MEA1: variants seen among roughly 807,000 people sequenced by gnomAD.
MEA1 encodes the protein Male-enhanced antigen (H-Y structural gene).
A neutral mutation model predicts 21.4 loss-of-function variants in MEA1; 22 were observed. The ratio of observed to expected loss-of-function variants is 1.03; its 90% CI spans 0.73 to 1.47. MEA1 has a LOEUF of 1.47. Among genes scored for constraint, MEA1 ranks in the 40% most tolerant of loss-of-function variants. The pLI is 0.00. For synonymous variants in MEA1, 91 were observed against 85.5 expected (o/e 1.06, Z -0.35); for missense variants, 233 against 230.5 (o/e 1.01, Z -0.07).
rs1762481390 is a variant in MEA1 at position 43,013,896 on chromosome 6, A to C, written c.-83T>G. The C allele has an allele frequency of 6.9e-7, 1 of 1,445,446 alleles. No homozygotes were observed. The highest frequency in any genetic ancestry group is 2.6e-5 in the Admixed American group (1 of 39,206). 89.5% of individuals were successfully genotyped at this position (1,445,446 alleles called of 1,614,324 possible). Reference sequence around the variant, plus strand: ...CGGCGCCGGTGTTCCCGCGCGCCTCACCCGCTCAGAGCCCGCGGCCTCCAC... The same window carrying C: ...CGGCGCCGGTGTTCCCGCGCGCCTCCCCCGCTCAGAGCCCGCGGCCTCCAC... On this transcript the variant is annotated 5_prime_UTR_variant, in exon 1 of 4. Coordinates refer to ENST00000244711, the MANE Select transcript of MEA1 (RefSeq NM_014623.4).
chr6:43,013,727 C>G (rs1251318901), intron 1 of MEA1, 59 bp downstream of exon 1: 2 of 1,524,336 alleles, frequency 1.3e-6, no homozygotes, highest in Non-Finnish European at 1.8e-6. Flanking sequence ...ATCAGACTCC[C>G]CTAAACAGGT....
upstream of MEA1, chr6:43,016,769 A>C (rs1428218210): frequency 1.1e-5 from 2 of 175,750 alleles, no homozygotes; most frequent in African/African-American, 4.7e-5. Flanking sequence ...GGTGGCAGTA[A>C]GCAGAGCAGA....
In MEA1 at chr6:43,011,404, C is replaced by G. The variant is rs1057044116; in HGVS notation, c.*1066G>C. 6 of 1,377,240 alleles carry G rather than the reference C, an allele frequency of 4.4e-6. No homozygotes were observed. Among genetic ancestry groups the G allele is most frequent in the Non-Finnish European group, 5.9e-6 (6 of 1,015,726 alleles). The allele number at this position is 1,377,240 out of a possible 1,614,324, so 85.3% of individuals were successfully genotyped here. A position where few individuals can be genotyped will look rare whatever the true frequency, so the allele number is the denominator to read the frequency against. ...GGAAGGCAGCGCCTCTCTAGCTACT[C>G]AAGGGAGGGGGATGTGGGCACTTGA... On this transcript the variant is annotated 3_prime_UTR_variant, in exon 4 of 4. Transcript: ENST00000244711.
intron 1 of MEA1, 61 bp downstream of exon 1, chr6:43,013,725 C>G: frequency 6.7e-7 from 1 of 1,501,852 alleles, no homozygotes; most frequent in Non-Finnish European, 9.2e-7. Flanking sequence ...TCATCAGACT[C>G]CCCTAAACAG....
At chr6:43,014,263 G>T, upstream of MEA1, 1 of 909,238 alleles carries the variant, frequency 1.1e-6, no homozygotes, top group Non-Finnish European at 1.6e-6. Flanking sequence ...ATCTCGTTGG[G>T]GACTAAGGCG....
rs537048441 is a variant in MEA1 at position 43,011,389 on chromosome 6, G to A, written c.*1081C>T. 2.8e-5 allele frequency: 40 copies of A among 1,453,944 alleles called. No individual in the cohort carries two copies. Among genetic ancestry groups the A allele is most frequent in the African/African-American group, 1.3e-4 (9 of 71,050 alleles). 90.1% of individuals were successfully genotyped at this position (1,453,944 alleles called of 1,614,324 possible). Reference sequence around the variant, plus strand: ...ACTGGCTGTCTTGGGGGAAGGCAGCGCCTCTCTAGCTACTCAAGGGAGGGG... The same window carrying A: ...ACTGGCTGTCTTGGGGGAAGGCAGCACCTCTCTAGCTACTCAAGGGAGGGG... On this transcript the variant is annotated 3_prime_UTR_variant, in exon 4 of 4. Coordinates refer to ENST00000244711, the MANE Select transcript of MEA1 (RefSeq NM_014623.4).
chr6:43,014,148 T>G (rs1762496127), upstream of MEA1: 1 of 1,413,288 alleles, frequency 7.1e-7, no homozygotes, highest in Non-Finnish European at 9.2e-7. Context: ...CTCTCGTCCC[T>G]CAGGAAACGT....
Position 43,012,526 on chromosome 6 carries a change from C to T in MEA1, c.502G>A (p.Glu168Lys), listed in dbSNP as rs749727967. 6.2e-6 allele frequency: 10 copies of T among 1,612,084 alleles called. No homozygotes were observed. The South Asian group carries it at 9.9e-5, about 16-fold the overall frequency. The change falls in exon 4 of 4, where the codon GAA (glutamate) becomes AAA (lysine). Residue 168 changes from glutamate (E) to lysine (K), a missense_variant. By Grantham distance (56) the Glu-to-Lys change is moderately conservative (BLOSUM62 1). Transcript: ENST00000244711. ...WAREISDAQW[E>K]DVVQKALQAR... ...TGGAGGGCTTTCTGTACCACATCTT[C>T]CCACTGGGCATCCGATATCTCCCGA... is the stretch of plus-strand genomic sequence containing the variant.
chr6:43,013,922 T>A lies in MEA1; in HGVS notation c.-109A>T. On this transcript the variant is annotated 5_prime_UTR_variant, in exon 1 of 4. The change creates a new upstream start codon in the 5' untranslated region. Transcript: ENST00000244711. Reference sequence around the variant, plus strand: ...CCCGCTCAGAGCCCGCGGCCTCCACTTCCGGCGGGGCAGGACGTGCAGAGG... The same window carrying A: ...CCCGCTCAGAGCCCGCGGCCTCCACATCCGGCGGGGCAGGACGTGCAGAGG... 7.7e-7 allele frequency: 1 copy of A among 1,297,756 alleles called. No homozygotes were observed. Among genetic ancestry groups the A allele is most frequent in the Non-Finnish European group, 1.0e-6 (1 of 1,001,478 alleles). The allele number at this position is 1,297,756 out of a possible 1,614,324, so 80.4% of individuals were successfully genotyped here.
chr6:43,014,300 C>G (rs1466931193), upstream of MEA1: 4 of 699,044 alleles, frequency 5.7e-6, no homozygotes, highest in Non-Finnish European at 9.4e-6. Flanking sequence ...GGGTTCTAGG[C>G]TGCAGGCAGC....
chr6:43,013,761 C>G, intron 1 of MEA1, 25 bp downstream of exon 1: 1 of 1,594,398 alleles, frequency 6.3e-7, no homozygotes, highest in Non-Finnish European at 8.6e-7. Flanking sequence ...CCCTTCTCCC[C>G]TCTCCTAGAG....
At chr6:43,015,828 T>TGG (rs1762556569), upstream of MEA1, among the ~76,000 whole-genome samples, 1 of 126,948 alleles carries the variant, frequency 7.9e-6, no homozygotes, top group Non-Finnish European at 1.6e-5. Context: ...CGCTCCAGCC[T>TGG]GGGGGCAAGA....
At position 43,013,227 on chromosome 6, in the gene MEA1, C is replaced by T. The variant is rs1401799819; in HGVS notation, c.191G>A (p.Gly64Asp). 1 of 1,614,032 alleles carries T rather than the reference C, an allele frequency of 6.2e-7. No individual in the cohort carries two copies. The highest frequency in any genetic ancestry group is 1.3e-5 in the African/African-American group (1 of 74,896). ...PEEEQEETGSGPAGYSYQPLN... is the reference protein window; with the variant it reads ...PEEEQEETGSDPAGYSYQPLN... ...GGGCTGGTAGGAGTAGCCAGCTGGG[C>T]CCGACCCCGTTTCCTCCTGCTCTTC... Residue 64 changes from glycine (G) to aspartate (D), a missense_variant, in exon 2 of 4, where the codon GGC becomes GAC. By Grantham distance (94) the Gly-to-Asp change is moderately conservative (BLOSUM62 -1). Transcript: ENST00000244711.
At position 43,013,182 on chromosome 6, in the gene MEA1, T is replaced by C. The variant is rs752025006; in HGVS notation, c.236A>G (p.Gln79Arg). 5.6e-6 allele frequency: 9 copies of C among 1,614,000 alleles called. No individual in the cohort carries two copies. The East Asian group carries it at 1.8e-4, about 32-fold the overall frequency. ...SYQPLNQDPE[Q>R]EEVELAPVGD... is the part of the protein sequence containing the mutation. ...CACTGGTGCCAGTTCCACCTCCTCT[T>C]GTTCAGGATCTTGGTTCAGGGGCTG... Residue 79 changes from glutamine to arginine, a missense_variant, in exon 2 of 4, where the codon CAA becomes CGA. By Grantham distance (43) the Gln-to-Arg change is conservative (BLOSUM62 1). Coordinates refer to ENST00000244711, the MANE Select transcript of MEA1 (RefSeq NM_014623.4).
upstream of MEA1, chr6:43,014,242 T>C: frequency 2.8e-6 from 3 of 1,090,122 alleles, no homozygotes; most frequent in Non-Finnish European, 3.8e-6. Flanking sequence ...GAACCGAGCT[T>C]GGCTGTGTTT....
chr6:43,014,068 G>A (rs1436332704), upstream of MEA1: 2 of 1,419,102 alleles, frequency 1.4e-6, no homozygotes, highest in Middle Eastern at 2.6e-4. Flanking sequence ...TTACCCAGTG[G>A]CCTCCTCGGT....
At position 43,012,512 on chromosome 6, in the gene MEA1, C is replaced by T; in HGVS notation, c.516G>A (p.Gln172=). 6.2e-7 allele frequency: 1 copy of T among 1,608,940 alleles called. No homozygotes were observed. Among genetic ancestry groups the T allele is most frequent in the Non-Finnish European group, 8.5e-7 (1 of 1,178,382 alleles). ...ATGCCTGCCGGGCTTGGAGGGCTTT[C>T]TGTACCACATCTTCCCACTGGGCAT... ...ISDAQWEDVV[Q]KALQARQASP... Residue 172 remains glutamine (Q), a synonymous_variant, in exon 4 of 4, where the codon CAG becomes CAA. Transcript: ENST00000244711.
chr6:43,013,744 A>C (rs777446012), intron 1 of MEA1, 42 bp downstream of exon 1: 2 of 1,410,158 alleles, frequency 1.4e-6, no homozygotes, highest in East Asian at 2.4e-5. Context: ...AGGTCGGCGT[A>C]CCCGCCCCCT....
At chr6:43,014,334 G>T, upstream of MEA1, 1 of 616,672 alleles carries the variant, frequency 1.6e-6, no homozygotes, top group Non-Finnish European at 2.9e-6. Flanking sequence ...GCCCCGCCCC[G>T]GCTCGGCCTG....
Sources: gnomAD v4.1 joint callset for allele counts (sites outside exome capture counted in the v4.1 genomes callset) on GRCh38, gnomAD v4.1.1 for gene constraint, MANE v1.5 for transcripts, NCBI Gene and HGNC (gene_info 2026-07-23, HGNC 2026-07-21) for gene names.